The following FSD2 variants were observed in gnomAD, a reference collection of about 807,000 sequenced individuals.
The protein encoded by FSD2 is fibronectin type III and SPRY domain-containing protein 2.
A neutral mutation model predicts 80.4 loss-of-function variants in FSD2; 71 were observed. The observed-to-expected ratio is 0.88, with a 90% CI of 0.73 to 1.08. The LOEUF (loss-of-function observed/expected upper bound fraction) is 1.08. Ranked by LOEUF, FSD2 falls within the 50% of genes least tolerant of loss-of-function variation. FSD2 has a pLI of 0.00. For synonymous variants in FSD2, 361 were observed against 329.5 expected (o/e 1.10, Z -1.03); for missense variants, 923 against 913.8 (o/e 1.01, Z -0.13).
At chr15:82,789,114 A>T (rs1005835739) in intron 1 of FSD2, among the ~76,000 whole-genome samples, 14 of 152,112 alleles carry the variant, frequency 9.2e-5, no homozygotes, top group Non-Finnish European at 1.8e-4. Context: ...CCACTACAGA[A>T]TTTTTTTAAG....
chr15:82,773,057 C>T lies in FSD2; in HGVS notation c.1112-829G>A, dbSNP rs145492533. Reference sequence around the variant, plus strand: ...AGACAGGGCTTCGCCATTTTGGCCACGCTGGTCTCGAACTCCTGATCTCAA... The same window carrying T: ...AGACAGGGCTTCGCCATTTTGGCCATGCTGGTCTCGAACTCCTGATCTCAA... On this transcript the variant is annotated intron_variant, in intron 6 of 12. Transcript: ENST00000334574. Among the ~76,000 whole-genome samples the T allele has an allele frequency of 4.9e-3, 742 of 152,260 alleles. 5 individuals carry two copies. Among genetic ancestry groups the T allele is most frequent in the Middle Eastern group, 0.014 (4 of 294 alleles).
chr15:82,763,620 T>G (rs1345290713), intron 11 of FSD2, among the ~76,000 whole-genome samples: 1 of 152,084 alleles, frequency 6.6e-6, no homozygotes, highest in Non-Finnish European at 1.5e-5. Context: ...CTCCCCTGGC[T>G]CCTCTCACCC....
chr15:82,770,138 G>A (rs779927422), intron 7 of FSD2, among the ~76,000 whole-genome samples: 18 of 152,214 alleles, frequency 1.2e-4, no homozygotes, highest in Non-Finnish European at 2.6e-4. Context: ...TGCAAGCAGA[G>A]GCATGGAAGT....
At chr15:82,771,859 C>T (rs1426015511) in intron 7 of FSD2, among the ~76,000 whole-genome samples, 2 of 152,238 alleles carry the variant, frequency 1.3e-5, no homozygotes, top group African/African-American at 4.8e-5. Flanking sequence ...AGATATGCTC[C>T]AGACCCCTTC....
chr15:82,790,544 T>TTGTGTGTGTGTGTGTGTGTGTG (rs57545404), intron 1 of FSD2, among the ~76,000 whole-genome samples: 8 of 148,688 alleles, frequency 5.4e-5, no homozygotes, highest in African/African-American at 1.2e-4. Flanking sequence ...GAGCTGCCAT[T>TTGTGTGTGTGTGTGTGTGTGTG]TGTGTGTGTG....
chr15:82,803,581 C>A (rs965009062), intron 1 of FSD2, among the ~76,000 whole-genome samples: 2 of 152,138 alleles, frequency 1.3e-5, no homozygotes, highest in African/African-American at 2.4e-5. Context: ...TATCTCACCA[C>A]TGCTTCTTAA....
intron 12 of FSD2, among the ~76,000 whole-genome samples, chr15:82,760,191 G>A (rs2049260124): frequency 6.6e-6 from 1 of 152,160 alleles, no homozygotes; most frequent in Non-Finnish European, 1.5e-5. Context: ...ACTAGCATAG[G>A]AATAGAACAT....
chr15:82,794,302 T>A (rs1345927584), intron 1 of FSD2, among the ~76,000 whole-genome samples: 1 of 152,234 alleles, frequency 6.6e-6, no homozygotes, highest in African/African-American at 2.4e-5. Context: ...TTTCCTTGTG[T>A]TATTGATTTC....
chr15:82,766,078 A>G (rs1376827287), intron 9 of FSD2, 47 bp from the exon 10 acceptor site: 1 of 1,512,744 alleles, frequency 6.6e-7, no homozygotes, highest in Non-Finnish European at 8.9e-7. Context: ...TAGGACACCC[A>G]GGCCCAAGCA....
intron 12 of FSD2, 94 bp downstream of exon 12, chr15:82,762,008 A>G (rs1238054393): frequency 2.7e-6 from 3 of 1,098,956 alleles, no homozygotes; most frequent in Non-Finnish European, 3.8e-6. Context: ...TATTTGTAAA[A>G]TATAACGTGT....
intron 1 of FSD2, among the ~76,000 whole-genome samples, chr15:82,797,548 C>G (rs1480676963): frequency 1.3e-5 from 2 of 152,226 alleles, no homozygotes; most frequent in Non-Finnish European, 2.9e-5. Context: ...TGGTGGCTCA[C>G]GCCTGTAATC....
At chr15:82,782,316 C>T (rs1270446482) in intron 4 of FSD2, among the ~76,000 whole-genome samples, 4 of 151,718 alleles carry the variant, frequency 2.6e-5, no homozygotes, top group Admixed American at 6.6e-5. Flanking sequence ...AGGAGAATGG[C>T]GTGAACCCAG....
chr15:82,770,429 T>C (rs1356008383), intron 7 of FSD2, among the ~76,000 whole-genome samples: 1 of 152,214 alleles, frequency 6.6e-6, no homozygotes, highest in Non-Finnish European at 1.5e-5. Context: ...CCCAGCACTT[T>C]GGGAGGCTGA....
At chr15:82,770,278 C>G (rs2049534130) in intron 7 of FSD2, among the ~76,000 whole-genome samples, 1 of 152,224 alleles carries the variant, frequency 6.6e-6, no homozygotes, top group Non-Finnish European at 1.5e-5. Context: ...GTCCTCCCGG[C>G]TATCCTATCT....
intron 5 of FSD2, among the ~76,000 whole-genome samples, chr15:82,779,706 C>G (rs2049806787): frequency 6.6e-6 from 1 of 151,554 alleles, no homozygotes; most frequent in Admixed American, 6.6e-5. Context: ...TCCATCTTTG[C>G]CAAAATCCCT....
At chr15:82,772,258 A>T (rs1313523298) in intron 6 of FSD2, 30 bp from the exon 7 acceptor site, 2 of 1,582,642 alleles carry the variant, frequency 1.3e-6, no homozygotes, top group Non-Finnish European at 1.7e-6. Context: ...AAGAAGAGGA[A>T]CCTCTAATAG....
intron 10 of FSD2, among the ~76,000 whole-genome samples, 182 bp downstream of exon 10, chr15:82,765,715 TA>T (rs1168639198): frequency 6.6e-6 from 1 of 152,200 alleles, no homozygotes; most frequent in Admixed American, 6.5e-5. Context: ...AAGGACTTCT[TA>T]ATGATCCATT....
intron 1 of FSD2, among the ~76,000 whole-genome samples, chr15:82,792,503 A>C (rs2050174225): frequency 6.6e-6 from 1 of 152,140 alleles, no homozygotes; most frequent in Non-Finnish European, 1.5e-5. Flanking sequence ...TTCTTTGTGT[A>C]TTCTGCATTC....
intron 1 of FSD2, among the ~76,000 whole-genome samples, chr15:82,790,112 G>T (rs991871733): frequency 1.3e-5 from 2 of 152,168 alleles, no homozygotes; most frequent in African/African-American, 2.4e-5. Flanking sequence ...GGAGGCGGAG[G>T]TTGCAGTGAG....
Sources: allele counts gnomAD v4.1 joint callset (sites outside exome capture counted in the v4.1 genomes callset), GRCh38; gene constraint gnomAD v4.1.1; transcripts MANE v1.5; gene names NCBI Gene and HGNC (gene_info 2026-07-23, HGNC 2026-07-21).